NBEA: variants seen among roughly 807,000 people sequenced by gnomAD.
The protein encoded by NBEA is lysosomal-trafficking regulator 2.
In NBEA, 44 loss-of-function variants were observed where a neutral mutation model predicts 343.4. The observed-to-expected ratio is 0.13, with a 90% CI of 0.10 to 0.16. The LOEUF (loss-of-function observed/expected upper bound fraction) is 0.16, where lower values mean the gene tolerates loss of function less well. NBEA is among the 10% of genes least tolerant of loss of function. The probability of loss-of-function intolerance (pLI) is 1.00; values close to 1 mark genes in which losing one functional copy is unlikely to be tolerated. For missense variants in NBEA, 2,555 were observed against 3,631.3 expected (o/e 0.70, Z 7.62); for synonymous variants, 1,175 against 1,238.7 (o/e 0.95, Z 1.08).
intron 1 of NBEA, among the ~76,000 whole-genome samples, chr13:35,011,533 T>A (rs1363335350): frequency 6.6e-6 from 1 of 152,198 alleles, no homozygotes; most frequent in South Asian, 2.1e-4. Context: ...ACAGAATTAT[T>A]AATGTTAGTG....
intron 18 of NBEA, among the ~76,000 whole-genome samples, chr13:35,150,596 G>T (rs1005604799): frequency 3.9e-5 from 6 of 152,102 alleles, no homozygotes; most frequent in African/African-American, 1.4e-4. Flanking sequence ...ACCAGGTTGT[G>T]TACTCTTAGC....
intron 34 of NBEA, among the ~76,000 whole-genome samples, chr13:35,241,432 G>A (rs1000374661): frequency 2.0e-5 from 3 of 151,784 alleles, no homozygotes; most frequent in Non-Finnish European, 4.4e-5. Flanking sequence ...CACTACCACT[G>A]TGGTTGAAAA....
intron 35 of NBEA, among the ~76,000 whole-genome samples, chr13:35,297,209 A>AT: frequency 6.6e-6 from 1 of 152,152 alleles, no homozygotes; most frequent in African/African-American, 2.4e-5. Flanking sequence ...CCTGTACCTC[A>AT]TATCTTCCCA....
intron 48 of NBEA, among the ~76,000 whole-genome samples, chr13:35,625,535 G>A (rs912564451): frequency 3.3e-5 from 5 of 152,090 alleles, no homozygotes; most frequent in African/African-American, 1.2e-4. Context: ...TGAGATGGAA[G>A]GATCACTGGA....
Position 35,208,863 on chromosome 13 carries a change from C to A in NBEA, c.5521+9C>A. The A allele has an allele frequency of 6.6e-7, 1 of 1,512,028 alleles. No individual in the cohort carries two copies. The highest frequency in any genetic ancestry group is 1.3e-5 in the South Asian group (1 of 77,308). 93.7% of individuals were successfully genotyped at this position (1,512,028 alleles called of 1,614,324 possible). Reference sequence around the variant, plus strand: ...TATGATTAATACAACAGGTATTGTACTTACATATTTTTGTGATACTCATCT... The same window carrying A: ...TATGATTAATACAACAGGTATTGTAATTACATATTTTTGTGATACTCATCT... On this transcript the variant is annotated intron_variant, in intron 32 of 58. Coordinates refer to ENST00000379939, the MANE Select transcript of NBEA (RefSeq NM_001385012.1).
chr13:35,600,294 T>C (rs2081990179), intron 47 of NBEA, among the ~76,000 whole-genome samples: 1 of 152,218 alleles, frequency 6.6e-6, no homozygotes, highest in Admixed American at 6.5e-5. Flanking sequence ...GGAGGCAGCA[T>C]GAGTGACTGA....
intron 48 of NBEA, among the ~76,000 whole-genome samples, chr13:35,625,693 T>TG (rs1338490480): frequency 1.3e-5 from 2 of 151,888 alleles, no homozygotes; most frequent in Admixed American, 1.3e-4. Flanking sequence ...AGTGTTTAAA[T>TG]GGGTAAGGGA....
At chr13:35,140,865 G>A (rs915513195) in intron 17 of NBEA, among the ~76,000 whole-genome samples, 3 of 152,088 alleles carry the variant, frequency 2.0e-5, no homozygotes, top group African/African-American at 7.2e-5. Context: ...ATCCAAATAG[G>A]TTTTCCCAAG....
At chr13:35,436,878 T>A (rs1461033477) in intron 39 of NBEA, among the ~76,000 whole-genome samples, 2 of 152,208 alleles carry the variant, frequency 1.3e-5, no homozygotes, top group Non-Finnish European at 2.9e-5. Context: ...TCTAGAAGTA[T>A]TTGAATTAGT....
In NBEA at chr13:35,452,347, A is replaced by G. The variant is rs12100100; in HGVS notation, c.6448+112A>G. 7.7e-3 allele frequency: 5,712 copies of G among 744,604 alleles called. 275 individuals are homozygous for G. In the African/African-American group the frequency reaches 0.091, roughly 12 times the overall value. 46.1% of individuals were successfully genotyped at this position (744,604 alleles called of 1,614,324 possible). A position where few individuals can be genotyped will look rare whatever the true frequency, so the allele number is the denominator to read the frequency against. On this transcript the variant is annotated intron_variant, in intron 40 of 58. Transcript: ENST00000379939. ...GTGCCAATGGTTGTAACAATGCTCAATCACATGAATGTTAAAACTCTACTT... is the reference window on the plus strand; with the variant it reads ...GTGCCAATGGTTGTAACAATGCTCAGTCACATGAATGTTAAAACTCTACTT...
chr13:35,461,921 A>G (rs1028635780), intron 40 of NBEA, among the ~76,000 whole-genome samples: 1 of 152,356 alleles, frequency 6.6e-6, no homozygotes, highest in African/African-American at 2.4e-5. Context: ...TTACATGGCA[A>G]TTAATTTACA....
intron 1 of NBEA, among the ~76,000 whole-genome samples, chr13:34,977,238 C>T (rs577360965): frequency 6.6e-6 from 1 of 152,098 alleles, no homozygotes; most frequent in African/African-American, 2.4e-5. Context: ...CTGCGCCCAG[C>T]TAGACCTATT....
chr13:35,141,655 AC>A (rs1313991494), intron 17 of NBEA, among the ~76,000 whole-genome samples: 3 of 152,138 alleles, frequency 2.0e-5, no homozygotes, highest in Non-Finnish European at 4.4e-5. Flanking sequence ...CTTTAATGGA[AC>A]CTTCTATCCT....
At chr13:35,162,529 T>A (rs2069645451) in intron 23 of NBEA, among the ~76,000 whole-genome samples, 1 of 152,084 alleles carries the variant, frequency 6.6e-6, no homozygotes. Context: ...CAGAGATGAC[T>A]CTTCTTCCTT....
intron 34 of NBEA, among the ~76,000 whole-genome samples, chr13:35,257,962 A>C (rs2152795189): frequency 6.6e-6 from 1 of 152,252 alleles, no homozygotes; most frequent in Middle Eastern, 3.4e-3. Flanking sequence ...TCTCTCCAAA[A>C]TGGAATTTTG....
intron 34 of NBEA, among the ~76,000 whole-genome samples, chr13:35,271,519 A>G (rs1424154355): frequency 1.3e-5 from 2 of 152,218 alleles, no homozygotes; most frequent in Non-Finnish European, 2.9e-5. Context: ...TGACGAGTTG[A>G]CAGAAGTAGG....
intron 35 of NBEA, among the ~76,000 whole-genome samples, chr13:35,301,418 T>TA (rs1432954498): frequency 6.6e-6 from 1 of 152,070 alleles, no homozygotes; most frequent in African/African-American, 2.4e-5. Context: ...AACTCCCACT[T>TA]ATGAGTGAGA....
At chr13:35,032,140 A>C (rs1022942313) in intron 1 of NBEA, among the ~76,000 whole-genome samples, 4 of 151,736 alleles carry the variant, frequency 2.6e-5, no homozygotes, top group African/African-American at 9.7e-5. Flanking sequence ...TAGTAGAATA[A>C]TTTGTATTCC....
At chr13:35,209,512 T>G (rs1343357477) in intron 32 of NBEA, among the ~76,000 whole-genome samples, 1 of 152,160 alleles carries the variant, frequency 6.6e-6, no homozygotes, top group African/African-American at 2.4e-5. Flanking sequence ...CCTTTTTTTT[T>G]TGTAAATTTC....
Sources: allele counts gnomAD v4.1 joint callset (sites outside exome capture counted in the v4.1 genomes callset), GRCh38; gene constraint gnomAD v4.1.1; transcripts MANE v1.5; gene names NCBI Gene and HGNC (gene_info 2026-07-23, HGNC 2026-07-21).